The following NR2C2 variants were observed in gnomAD, a reference collection of about 807,000 sequenced individuals.
NR2C2 encodes the protein nuclear receptor subfamily 2 group C member 2, also known as Nuclear hormone receptor TR4.
In NR2C2, 6 loss-of-function variants were observed where a neutral mutation model predicts 62.9. The ratio of observed to expected loss-of-function variants is 0.10; its 90% CI spans 0.05 to 0.19. NR2C2 has a LOEUF of 0.19. Among genes scored for constraint, NR2C2 ranks in the 10% least tolerant of loss-of-function variants. NR2C2 has a pLI of 1.00. For synonymous variants in NR2C2, 272 were observed against 273.8 expected, an observed-to-expected ratio of 0.99 and a Z score of 0.07; for missense variants, 479 against 762.7, an observed-to-expected ratio of 0.63 and a Z score of 4.38.
At chr3:14,949,848 CTCTT>C (rs1251981088) in intron 1 of NR2C2, among the ~76,000 whole-genome samples, 10 of 152,204 alleles carry the variant, frequency 6.6e-5, no homozygotes, top group East Asian at 1.9e-4. Flanking sequence ...TGTGAGTTCT[CTCTT>C]TCTCTCTCTC....
intron 1 of NR2C2, among the ~76,000 whole-genome samples, chr3:15,002,645 C>CTT (rs371981775): frequency 0.057 from 2,243 of 39,502 alleles, 727 homozygotes; most frequent in Non-Finnish European, 0.078. Context: ...TCACAATATA[C>CTT]TTTTTTTTTT....
chr3:14,982,873 A>G (rs916667321), intron 1 of NR2C2, among the ~76,000 whole-genome samples: 4 of 152,214 alleles, frequency 2.6e-5, no homozygotes, highest in African/African-American at 9.6e-5. Context: ...ACAATTTGCT[A>G]TGAGCCTTTA....
At chr3:14,976,795 C>T (rs2040220239) in intron 1 of NR2C2, among the ~76,000 whole-genome samples, 1 of 151,992 alleles carries the variant, frequency 6.6e-6, no homozygotes, top group Non-Finnish European at 1.5e-5. Context: ...TTGAAGGCAT[C>T]ATTTTATTGT....
At chr3:15,013,499 G>T in intron 2 of NR2C2, 90 bp from the exon 3 acceptor site, 1 of 1,101,862 alleles carries the variant, frequency 9.1e-7, no homozygotes. Context: ...TCAAGGACTG[G>T]TTTTTGGCAG....
intron 1 of NR2C2, among the ~76,000 whole-genome samples, chr3:14,949,116 TA>T (rs2039257600): frequency 6.6e-6 from 1 of 152,228 alleles, no homozygotes; most frequent in African/African-American, 2.4e-5. Context: ...CTTAGTTTTT[TA>T]GGCACTGGGG....
intron 1 of NR2C2, among the ~76,000 whole-genome samples, chr3:14,994,146 GT>G (rs1401501894): frequency 1.3e-5 from 2 of 151,848 alleles, no homozygotes; most frequent in African/African-American, 2.4e-5. Context: ...TTTGAATAGT[GT>G]TTTTAAATTT....
chr3:15,018,135 A>G (rs990946436), intron 4 of NR2C2, among the ~76,000 whole-genome samples: 1 of 152,086 alleles, frequency 6.6e-6, no homozygotes, highest in Non-Finnish European at 1.5e-5. Flanking sequence ...AGTAGCTGGG[A>G]CTATAGGTGT....
intron 8 of NR2C2, 64 bp downstream of exon 8, chr3:15,028,783 T>C: frequency 6.4e-7 from 1 of 1,555,138 alleles, no homozygotes; most frequent in Non-Finnish European, 8.8e-7. Flanking sequence ...ATTGTGAGGG[T>C]GGAAAACAGC....
At chr3:15,010,470 T>C (rs2124970569) in intron 2 of NR2C2, among the ~76,000 whole-genome samples, 1 of 152,110 alleles carries the variant, frequency 6.6e-6, no homozygotes, top group Non-Finnish European at 1.5e-5. Flanking sequence ...TGTAAACTCC[T>C]TGGGAGGCGA....
chr3:15,029,805 A>G (rs1265266004), intron 8 of NR2C2, among the ~76,000 whole-genome samples: 1 of 121,928 alleles, frequency 8.2e-6, no homozygotes, highest in African/African-American at 3.7e-5. Context: ...AGATAGATAG[A>G]TAGATAGATA....
rs747831122 is a variant in NR2C2, at chr3:15,045,152, C to G, written c.*2144C>G. 1 of 152,194 alleles carries G rather than the reference C, an allele frequency of 6.6e-6. No homozygotes were observed. The highest frequency in any genetic ancestry group is 1.9e-4 in the East Asian group (1 of 5,196). 9.4% of individuals were successfully genotyped at this position (152,194 alleles called of 1,614,324 possible). A position where few individuals can be genotyped will look rare whatever the true frequency, so the allele number is the denominator to read the frequency against. ...GTGAAGGCTTTTAGTAGCAGGCATC[C>G]TGCAGCTCAGTGGTGCCTCTAACAC... On this transcript the variant is annotated 3_prime_UTR_variant, in exon 14 of 14. Coordinates refer to ENST00000425241, the MANE Select transcript of NR2C2 (RefSeq NM_001291694.2).
chr3:14,992,033 A>T (rs1007110188), intron 1 of NR2C2, among the ~76,000 whole-genome samples: 2 of 151,804 alleles, frequency 1.3e-5, no homozygotes, highest in African/African-American at 2.4e-5. Context: ...CGCCCTCCCA[A>T]ACTGCTGTGA....
Position 15,003,914 on chromosome 3 carries a change from G to T in NR2C2, c.-1G>T, listed in dbSNP as rs747869068. The stretch of plus-strand genomic sequence containing the variant: ...AGACCTCTCGGCCGGAATCTCCAGG[G>T]ATGACCAGCCCCTCCCCACGCATCC... On this transcript the variant is annotated 5_prime_UTR_variant, in exon 2 of 14. Transcript: ENST00000425241. The T allele has an allele frequency of 2.5e-6, 4 of 1,613,840 alleles. No individual in the cohort carries two copies. In the East Asian group the frequency reaches 6.7e-5, roughly 27 times the overall value.
chr3:14,957,622 C>T (rs1033211775), intron 1 of NR2C2, among the ~76,000 whole-genome samples: 1 of 152,128 alleles, frequency 6.6e-6, no homozygotes, highest in South Asian at 2.1e-4. Flanking sequence ...CACGATGTTG[C>T]CCAGGCTGGA....
intron 13 of NR2C2, 196 bp from the exon 14 acceptor site, chr3:15,042,638 T>TCA: frequency 1.8e-6 from 1 of 552,590 alleles, no homozygotes; most frequent in Non-Finnish European, 3.2e-6. Flanking sequence ...TGTACATACA[T>TCA]TTTGTACTCA....
chr3:15,035,404 T>G (rs906890745), intron 11 of NR2C2, among the ~76,000 whole-genome samples: 1 of 152,264 alleles, frequency 6.6e-6, no homozygotes, highest in Non-Finnish European at 1.5e-5. Flanking sequence ...AACTTCTTGA[T>G]AGGCATTTAG....
chr3:15,017,389 A>C (rs2125004058), intron 4 of NR2C2, among the ~76,000 whole-genome samples: 1 of 152,222 alleles, frequency 6.6e-6, no homozygotes, highest in South Asian at 2.1e-4. Flanking sequence ...CTTGTTGCAT[A>C]CTCATATAAT....
At chr3:15,010,990 C>A (rs1260972282) in intron 2 of NR2C2, among the ~76,000 whole-genome samples, 5 of 152,160 alleles carry the variant, frequency 3.3e-5, no homozygotes, top group Non-Finnish European at 7.3e-5. Flanking sequence ...CCCTCTCAAT[C>A]ACATAACTGT....
At chr3:14,987,554 T>A (rs2040545007) in intron 1 of NR2C2, among the ~76,000 whole-genome samples, 2 of 152,236 alleles carry the variant, frequency 1.3e-5, no homozygotes, top group Admixed American at 1.3e-4. Context: ...ATTTCTTTAT[T>A]ACCACACTAT....
Sources: gnomAD v4.1 joint callset for allele counts (sites outside exome capture counted in the v4.1 genomes callset) on GRCh38, gnomAD v4.1.1 for gene constraint, MANE v1.5 for transcripts, NCBI Gene and HGNC (gene_info 2026-07-23, HGNC 2026-07-21) for gene names.